KANK1: variants seen among roughly 807,000 people sequenced by gnomAD.
The protein encoded by KANK1 is KN motif and ankyrin repeat domains 1.
KANK1 carries 109 observed loss-of-function variants against 106.2 expected under a neutral mutation model. That is an observed-to-expected ratio of 1.03 (90% CI 0.88 to 1.20). KANK1 has a LOEUF of 1.20. KANK1 is among the 50% of genes most tolerant of loss of function. KANK1 has a pLI of 0.00. For missense variants in KANK1, 2,399 were observed against 1,710.7 expected (o/e 1.40, Z -7.10); for synonymous variants, 873 against 652.2 (o/e 1.34, Z -5.16).
At chr9:664,293 G>T (rs1038053795) in intron 1 of KANK1, among the ~76,000 whole-genome samples, 3 of 152,040 alleles carry the variant, frequency 2.0e-5, no homozygotes, top group Non-Finnish European at 2.9e-5. Context: ...CAGTTTTGTA[G>T]CTCCCACATA....
intron 3 of KANK1, among the ~76,000 whole-genome samples, chr9:720,066 G>C (rs1242987894): frequency 6.6e-6 from 1 of 152,168 alleles, no homozygotes; most frequent in East Asian, 1.9e-4. Flanking sequence ...ATGCATCAAA[G>C]GTGTTCCTCT....
intron 1 of KANK1, among the ~76,000 whole-genome samples, chr9:577,157 AG>A (rs1820783297): frequency 6.6e-6 from 1 of 152,224 alleles, no homozygotes; most frequent in South Asian, 2.1e-4. Context: ...AAGCTTCCAC[AG>A]CATGGAAGGG....
chr9:549,904 TG>T (rs2061168953), intron 1 of KANK1, among the ~76,000 whole-genome samples: 1 of 152,044 alleles, frequency 6.6e-6, no homozygotes, highest in East Asian at 1.9e-4. Context: ...TAATGGAGGT[TG>T]GGGGGTGGCA....
At chr9:646,743 G>A (rs1172017686) in intron 1 of KANK1, among the ~76,000 whole-genome samples, 4 of 149,190 alleles carry the variant, frequency 2.7e-5, no homozygotes, top group East Asian at 3.9e-4. Context: ...AGGCTGGAGT[G>A]CAGTGGCACG....
At position 727,680 on chromosome 9, in the gene KANK1, A is replaced by ATGTGTGTGTG. The variant is rs55997819; in HGVS notation, c.2699-2343_2699-2334dup. Among the ~76,000 whole-genome samples the ATGTGTGTGTG allele has an allele frequency of 8.6e-3, 1,204 of 139,746 alleles. 24 individuals carry two copies. The highest frequency in any genetic ancestry group is 0.033 in the Admixed American group (465 of 14,068). The allele number at this position is 139,746 out of a possible 152,430, so 91.7% of individuals were successfully genotyped here. ...TTAGCACAGAGTCAGATAACTTTTC[A>ATGTGTGTGTG]TGTGTGTGTGTGTGTGTGTGTGTGT... On this transcript the variant is annotated intron_variant, in intron 3 of 11. Coordinates refer to ENST00000382297, the MANE Select transcript of KANK1 (RefSeq NM_015158.5).
intron 1 of KANK1, among the ~76,000 whole-genome samples, chr9:670,955 T>TG (rs60327890): frequency 0.034 from 4,732 of 140,388 alleles, 263 homozygotes; most frequent in East Asian, 0.18. Context: ...TGGAGTTTTT[T>TG]TTTTTTTTTT....
chr9:600,324 A>G (rs1827422191), intron 1 of KANK1, among the ~76,000 whole-genome samples: 1 of 151,710 alleles, frequency 6.6e-6, no homozygotes, highest in Admixed American at 6.6e-5. Flanking sequence ...TACCCAGTGT[A>G]ATGTCCTCAA....
At chr9:484,129 A>T (rs2058252444) in intron 3 of KANK1, among the ~76,000 whole-genome samples, 1 of 152,216 alleles carries the variant, frequency 6.6e-6, no homozygotes, top group African/African-American at 2.4e-5. Flanking sequence ...AGCTGAGGGC[A>T]GCTACTTCCC....
At chr9:720,495 C>T (rs1379051480) in intron 3 of KANK1, among the ~76,000 whole-genome samples, 4 of 152,204 alleles carry the variant, frequency 2.6e-5, no homozygotes, top group Non-Finnish European at 5.9e-5. Context: ...AGACACTTAC[C>T]ACCATGCCCA....
At chr9:588,726 C>T (rs1484891641) in intron 1 of KANK1, among the ~76,000 whole-genome samples, 1 of 152,122 alleles carries the variant, frequency 6.6e-6, no homozygotes, top group Admixed American at 6.5e-5. Flanking sequence ...CTAACAGAAT[C>T]GGATAGGGCA....
At chr9:628,670 C>G (rs12337056) in intron 1 of KANK1, among the ~76,000 whole-genome samples, 2 of 151,978 alleles carry the variant, frequency 1.3e-5, no homozygotes, top group East Asian at 1.9e-4. Flanking sequence ...CCTCCCCTCT[C>G]TGCCCAGTTC....
At chr9:599,598 C>T (rs1374735266) in intron 1 of KANK1, among the ~76,000 whole-genome samples, 2 of 151,798 alleles carry the variant, frequency 1.3e-5, no homozygotes, top group Non-Finnish European at 2.9e-5. Flanking sequence ...CAGAGTAACC[C>T]ATCATACTGA....
chr9:690,254 C>T lies in KANK1; in HGVS notation c.37+13245C>T, dbSNP rs187742909. Among the ~76,000 whole-genome samples the T allele has an allele frequency of 5.9e-3, 875 of 148,552 alleles. 3 individuals are homozygous for T. The highest frequency in any genetic ancestry group is 0.019 in the African/African-American group (781 of 40,198). On this transcript the variant is annotated intron_variant, in intron 2 of 11. Coordinates refer to ENST00000382297, the MANE Select transcript of KANK1 (RefSeq NM_015158.5). ...CCGGGAGGCAGAGGTTGCAGTGAGCCGAGATCCCGCCATTGTACTCCAGCC... is the reference window on the plus strand; with the variant it reads ...CCGGGAGGCAGAGGTTGCAGTGAGCTGAGATCCCGCCATTGTACTCCAGCC...
At chr9:612,353 C>T (rs1189733799) in intron 1 of KANK1, among the ~76,000 whole-genome samples, 4 of 152,086 alleles carry the variant, frequency 2.6e-5, no homozygotes, top group African/African-American at 9.7e-5. Context: ...TGCACTCTGA[C>T]TGGGTGTCAT....
rs148484268 is a variant in KANK1, at chr9:527,999, C to T, written c.-84+23245C>T. 9.4e-3 allele frequency among the ~76,000 whole-genome samples: 1,430 copies of T among 151,812 alleles called. 32 individuals are homozygous for T. The highest frequency in any genetic ancestry group is 0.032 in the African/African-American group (1,336 of 41,418). ...ACAAAAAATTAGCCAGGCGTGGTGG[C>T]GGGCGCCTGTATAGTCCCAGCTACT... On this transcript the variant is annotated intron_variant, in intron 1 of 11. Coordinates refer to ENST00000382297, the MANE Select transcript of KANK1 (RefSeq NM_015158.5).
intron 2 of KANK1, among the ~76,000 whole-genome samples, chr9:696,491 G>T (rs1401092133): frequency 6.6e-6 from 1 of 152,168 alleles, no homozygotes; most frequent in Non-Finnish European, 1.5e-5. Flanking sequence ...AGGTATCTGG[G>T]TTGGGCCCTT....
chr9:739,622 A>G (rs1475247792), intron 8 of KANK1, among the ~76,000 whole-genome samples: 7 of 152,254 alleles, frequency 4.6e-5, no homozygotes, highest in East Asian at 1.9e-4. Flanking sequence ...ACAGAAGTAG[A>G]TAATATCCAG....
At position 598,210 on chromosome 9, in the gene KANK1, A is replaced by C. The variant is rs147070936; in HGVS notation, c.-83-78680A>C. ...ATTTTATTTCTGGACTCTTTTTTCT[A>C]TTGGTCCATATATTTATCCCTATAC... On this transcript the variant is annotated intron_variant, in intron 1 of 11. Transcript: ENST00000382297. Among the ~76,000 whole-genome samples the C allele has an allele frequency of 5.1e-3, 770 of 151,494 alleles. 36 individuals carry two copies. The highest frequency in any genetic ancestry group is 0.018 in the African/African-American group (721 of 40,990).
chr9:535,012 C>T (rs1010542075), intron 1 of KANK1, among the ~76,000 whole-genome samples: 6 of 152,156 alleles, frequency 3.9e-5, no homozygotes, highest in Non-Finnish European at 7.4e-5. Context: ...CCCCTTTGCC[C>T]CTCCTGCTGG....
Sources: allele counts gnomAD v4.1 joint callset (sites outside exome capture counted in the v4.1 genomes callset), GRCh38; gene constraint gnomAD v4.1.1; transcripts MANE v1.5; gene names NCBI Gene and HGNC (gene_info 2026-07-23, HGNC 2026-07-21).